ROR2: variants seen among roughly 807,000 people sequenced by gnomAD.
The protein encoded by ROR2 is ROR family WNT receptor 2, also known as tyrosine-protein kinase transmembrane receptor ROR2.
Under a neutral mutation model 74.9 loss-of-function variants are expected in ROR2, and 33 were observed. That is an observed-to-expected ratio of 0.44 (90% confidence interval 0.33 to 0.59). The LOEUF (loss-of-function observed/expected upper bound fraction) is 0.59. Among genes scored for constraint, ROR2 ranks in the 20% least tolerant of loss-of-function variants. The pLI, the probability that ROR2 is intolerant of heterozygous loss-of-function variation, is 0.02. For synonymous variants in ROR2, 586 were observed against 558.7 expected, an observed-to-expected ratio of 1.05 and a Z score of -0.69; for missense variants, 1,216 against 1,313.8, an observed-to-expected ratio of 0.93 and a Z score of 1.15.
chr9:91,907,016 G>A (rs1830836812), intron 1 of ROR2, among the ~76,000 whole-genome samples: 1 of 152,010 alleles, frequency 6.6e-6, no homozygotes, highest in Admixed American at 6.6e-5. Context: ...TTTACATCTT[G>A]CAAAATTGAA....
intron 1 of ROR2, among the ~76,000 whole-genome samples, chr9:91,789,175 A>G (rs1473194124): frequency 2.0e-5 from 3 of 152,234 alleles, no homozygotes; most frequent in African/African-American, 7.2e-5. Flanking sequence ...TGATTATTAT[A>G]CAATGCATAC....
intron 2 of ROR2, among the ~76,000 whole-genome samples, chr9:91,771,127 A>G (rs555500441): frequency 1.3e-5 from 2 of 152,326 alleles, no homozygotes; most frequent in East Asian, 3.9e-4. Context: ...GAGATCACCT[A>G]TAATTGCAAC....
At chr9:91,809,559 G>A (rs1827677042) in intron 1 of ROR2, among the ~76,000 whole-genome samples, 1 of 152,270 alleles carries the variant, frequency 6.6e-6, no homozygotes, top group South Asian at 2.1e-4. Flanking sequence ...GGGTGCAGCA[G>A]TGCAGCCCAC....
intron 2 of ROR2, among the ~76,000 whole-genome samples, chr9:91,759,946 G>A (rs908770884): frequency 1.3e-5 from 2 of 152,196 alleles, no homozygotes. Flanking sequence ...AAGTAGGTGA[G>A]TAAAATTGAG....
chr9:91,781,923 T>C (rs1157630806), intron 1 of ROR2, among the ~76,000 whole-genome samples: 2 of 152,204 alleles, frequency 1.3e-5, no homozygotes, highest in Non-Finnish European at 2.9e-5. Flanking sequence ...TTCATAAAGC[T>C]CTTTCTACTT....
intron 1 of ROR2, among the ~76,000 whole-genome samples, chr9:91,852,897 C>T (rs1367204669): frequency 1.3e-5 from 2 of 152,358 alleles, no homozygotes; most frequent in Admixed American, 6.5e-5. Flanking sequence ...CCTCTGCCAC[C>T]GGACACAGTG....
At chr9:91,944,446 A>G (rs1256943771) in intron 1 of ROR2, among the ~76,000 whole-genome samples, 1 of 152,236 alleles carries the variant, frequency 6.6e-6, no homozygotes, top group Non-Finnish European at 1.5e-5. Context: ...CTATTTGTAG[A>G]TGATACGACT....
intron 4 of ROR2, among the ~76,000 whole-genome samples, chr9:91,739,099 A>G (rs1286272873): frequency 6.6e-6 from 1 of 152,246 alleles, no homozygotes; most frequent in African/African-American, 2.4e-5. Context: ...GAGCACCTCA[A>G]GCCTGTAGCT....
At chr9:91,754,429 G>A (rs1170744169) in intron 4 of ROR2, among the ~76,000 whole-genome samples, 2 of 152,020 alleles carry the variant, frequency 1.3e-5, no homozygotes, top group Admixed American at 6.6e-5. Flanking sequence ...GGCCAAGGTG[G>A]ACGGATCACT....
At chr9:91,771,933 A>G (rs957552354) in intron 2 of ROR2, among the ~76,000 whole-genome samples, 13 of 152,238 alleles carry the variant, frequency 8.5e-5, no homozygotes, top group African/African-American at 1.2e-4. Context: ...ATGACTGATG[A>G]TTGGGTTAAA....
At chr9:91,820,437 G>A (rs1408102003) in intron 1 of ROR2, among the ~76,000 whole-genome samples, 4 of 152,174 alleles carry the variant, frequency 2.6e-5, no homozygotes, top group African/African-American at 7.2e-5. Context: ...AACTCACAAA[G>A]AGCCAGGCAG....
At chr9:91,939,836 T>C (rs1831801038) in intron 1 of ROR2, among the ~76,000 whole-genome samples, 2 of 152,326 alleles carry the variant, frequency 1.3e-5, no homozygotes, top group South Asian at 4.1e-4. Context: ...TGCCACAGGC[T>C]GTGCTGAAGG....
At chr9:91,904,264 C>T (rs543252300) in intron 1 of ROR2, among the ~76,000 whole-genome samples, 3 of 152,232 alleles carry the variant, frequency 2.0e-5, no homozygotes, top group African/African-American at 7.2e-5. Context: ...ATGGAAGGAT[C>T]CCGGGGTGAG....
chr9:91,723,849 G>A lies in ROR2; in HGVS notation c.2645C>T (p.Ser882Phe). ...GAGCAGGGCTGCCCTGTCTGCCATG[G>A]ATGTGTTGGAGGGGGCCGTGGTGAC... ...GYVTTAPSNT[S>F]MADRAALLSE... Residue 882 changes from serine (S) to phenylalanine (F), a missense_variant, in exon 9 of 9, where the codon TCC becomes TTC. Ser to Phe is a radical substitution (Grantham distance 155). Transcript: ENST00000375708. 1.9e-6 allele frequency: 3 copies of A among 1,614,058 alleles called. No individual in the cohort carries two copies. Among genetic ancestry groups the A allele is most frequent in the Non-Finnish European group, 2.5e-6 (3 of 1,180,030 alleles).
At chr9:91,763,093 G>C (rs1196027368) in intron 2 of ROR2, among the ~76,000 whole-genome samples, 1 of 152,160 alleles carries the variant, frequency 6.6e-6, no homozygotes, top group Non-Finnish European at 1.5e-5. Flanking sequence ...AATACCTCAT[G>C]TTCTCACTTA....
At chr9:91,914,845 T>C (rs765595757) in intron 1 of ROR2, among the ~76,000 whole-genome samples, 6 of 152,050 alleles carry the variant, frequency 3.9e-5, no homozygotes, top group Non-Finnish European at 7.4e-5. Context: ...AGGGCAAACT[T>C]ACACAGGGCC....
chr9:91,943,859 A>G (rs1831943813), intron 1 of ROR2, among the ~76,000 whole-genome samples: 1 of 152,354 alleles, frequency 6.6e-6, no homozygotes, highest in East Asian at 1.9e-4. Context: ...TCAAAAATAT[A>G]CCAAAAAATG....
chr9:91,934,014 T>C (rs1041575929), intron 1 of ROR2, among the ~76,000 whole-genome samples: 5 of 152,132 alleles, frequency 3.3e-5, no homozygotes, highest in African/African-American at 1.2e-4. Flanking sequence ...TACCAGAATT[T>C]TTAAAAATAA....
chr9:91,906,130 G>A (rs1268025774), intron 1 of ROR2, among the ~76,000 whole-genome samples: 1 of 152,074 alleles, frequency 6.6e-6, no homozygotes, highest in Non-Finnish European at 1.5e-5. Context: ...TGAAGCTCCC[G>A]TGGCCAGGCT....
Sources: allele counts gnomAD v4.1 joint callset (sites outside exome capture counted in the v4.1 genomes callset), GRCh38; gene constraint gnomAD v4.1.1; transcripts MANE v1.5; gene names NCBI Gene and HGNC (gene_info 2026-07-23, HGNC 2026-07-21).